USP54: variants seen among roughly 807,000 people sequenced by gnomAD.
The protein encoded by USP54 is ubiquitin specific peptidase 54.
USP54 carries 87 observed loss-of-function variants against 170.5 expected under a neutral mutation model. The ratio of observed to expected loss-of-function variants is 0.51; its 90% confidence interval spans 0.43 to 0.61. USP54 has a LOEUF of 0.61. USP54 is among the 20% of genes least tolerant of loss of function. The pLI, the probability that USP54 is intolerant of heterozygous loss-of-function variation, is 0.00. For missense variants in USP54, 1,786 were observed against 2,047.8 expected, an observed-to-expected ratio of 0.87 and a Z score of 2.47; for synonymous variants, 655 against 742.8, an observed-to-expected ratio of 0.88 and a Z score of 1.92.
chr10:73,584,635 T>A (rs571480999), intron 1 of USP54, among the ~76,000 whole-genome samples: 1 of 152,248 alleles, frequency 6.6e-6, no homozygotes, highest in East Asian at 1.9e-4. Context: ...AAATTATGGA[T>A]TTTTTTCCTT....
At chr10:73,574,641 G>C (rs2075817843) in intron 3 of USP54, among the ~76,000 whole-genome samples, 1 of 151,934 alleles carries the variant, frequency 6.6e-6, no homozygotes. Flanking sequence ...GCCGGGTGTG[G>C]TGATGCACAC....
At chr10:73,543,359 T>G (rs2067035159) in intron 5 of USP54, among the ~76,000 whole-genome samples, 1 of 151,926 alleles carries the variant, frequency 6.6e-6, no homozygotes. Flanking sequence ...ACATCTGTGT[T>G]TTTTTTGTTT....
intron 1 of USP54, among the ~76,000 whole-genome samples, chr10:73,578,904 AG>A (rs1214202734): frequency 6.6e-6 from 1 of 152,030 alleles, no homozygotes; most frequent in Non-Finnish European, 1.5e-5. Context: ...AGGAGAAGAC[AG>A]GAGAAAATTT....
At chr10:73,517,954 C>T (rs369616373) in intron 19 of USP54, among the ~76,000 whole-genome samples, 12 of 152,310 alleles carry the variant, frequency 7.9e-5, no homozygotes, top group African/African-American at 2.4e-4. Context: ...AAATAGGTAA[C>T]GTTAATCCTC....
In USP54 at chr10:73,611,135, CTGATA is replaced by C. The variant is rs953779243; in HGVS notation, c.-18+14427_-18+14431del. ...AATATACAAATATTCATATATGTGC[CTGATA>C]TAAGCCATAAAAATAAAATAATTCA... On this transcript the variant is annotated intron_variant, in intron 1 of 22. Coordinates refer to the USP54 transcript ENST00000339859. 1.6e-4 allele frequency among the ~76,000 whole-genome samples: 25 copies of C among 152,072 alleles called. No individual in the cohort carries two copies. In the East Asian group the frequency reaches 4.4e-3, roughly 27 times the overall value.
chr10:73,508,630 A>AAGT (rs1050945522), intron 20 of USP54, among the ~76,000 whole-genome samples: 63 of 152,182 alleles, frequency 4.1e-4, no homozygotes, highest in African/African-American at 1.5e-3. Flanking sequence ...CTCTAGCTCT[A>AAGT]AGTACTAAGT....
intron 1 of USP54, among the ~76,000 whole-genome samples, chr10:73,609,085 G>A (rs770677752): frequency 7.9e-5 from 12 of 152,182 alleles, no homozygotes; most frequent in Non-Finnish European, 1.3e-4. Flanking sequence ...CAGGAAAGGT[G>A]AAAACCCAAT....
intron 7 of USP54, 152 bp from the exon 8 acceptor site, chr10:73,541,890 G>A: frequency 1.5e-6 from 1 of 674,298 alleles, no homozygotes; most frequent in South Asian, 1.8e-5. Context: ...CATAAACACA[G>A]TAAGTACCTC....
intron 23 of USP54, among the ~76,000 whole-genome samples, chr10:73,500,226 A>G (rs1235060826): frequency 6.6e-6 from 1 of 152,166 alleles, no homozygotes; most frequent in African/African-American, 2.4e-5. Context: ...GGGTCTTTCC[A>G]ATTCTCCCAC....
intron 4 of USP54, among the ~76,000 whole-genome samples, chr10:73,552,627 C>T (rs929919889): frequency 2.0e-5 from 3 of 151,932 alleles, no homozygotes; most frequent in South Asian, 2.1e-4. Context: ...CCCATCTCTA[C>T]TAAAATTACA....
chr10:73,558,940 A>G (rs903189764), intron 4 of USP54, among the ~76,000 whole-genome samples: 1 of 152,118 alleles, frequency 6.6e-6, no homozygotes, highest in Non-Finnish European at 1.5e-5. Context: ...AATTTTTTTG[A>G]TATTTCTAGG....
rs547055622 is a variant in USP54, at chr10:73,534,667, A to G, written c.1248T>C (p.Ser416=). The G allele has an allele frequency of 5.1e-5, 83 of 1,614,192 alleles. No individual in the cohort carries two copies. The East Asian group carries it at 1.7e-3, about 34-fold the overall frequency. ...HHESVVSHFS[S]DSQGTVIYNV... is the part of the protein sequence containing the mutation. ...TATAGATGACTGTCCCCTGAGAATC[A>G]GAAGAGAAGTGACTGACCACAGACT... The change falls in exon 12 of 24, where the codon TCT becomes TCC. Residue 416 remains serine, a synonymous_variant. Transcript: ENST00000687698.
At chr10:73,503,714 T>C (rs1239691142) in intron 22 of USP54, among the ~76,000 whole-genome samples, 1 of 152,198 alleles carries the variant, frequency 6.6e-6, no homozygotes, top group African/African-American at 2.4e-5. Context: ...TTACTATAAA[T>C]TCGGCTGGGT....
At chr10:73,501,058 C>A (rs1233984653) in intron 22 of USP54, among the ~76,000 whole-genome samples, 1 of 152,166 alleles carries the variant, frequency 6.6e-6, no homozygotes, top group South Asian at 2.1e-4. Flanking sequence ...CTTAACCAGT[C>A]TTCCTCATAT....
upstream of USP54, among the ~76,000 whole-genome samples, chr10:73,596,119 A>C (rs1023769280): frequency 6.5e-4 from 98 of 150,550 alleles, 1 homozygote; most frequent in Middle Eastern, 3.7e-3. Flanking sequence ...CTCAAAAAAA[A>C]AAAACAAAAC....
Position 73,497,565 on chromosome 10 carries a change from T to C in USP54, c.*1064A>G, listed in dbSNP as rs1407383628. The C allele has an allele frequency of 6.6e-6, 1 of 152,252 alleles. No individual in the cohort carries two copies. Among genetic ancestry groups the C allele is most frequent in the Non-Finnish European group, 1.5e-5 (1 of 68,048 alleles). The allele number at this position is 152,252 out of a possible 1,614,324, so 9.4% of individuals were successfully genotyped here. On this transcript the variant is annotated 3_prime_UTR_variant, in exon 24 of 24. Coordinates refer to ENST00000687698, the MANE Select transcript of USP54 (RefSeq NM_001391956.1). ...AAATAGAACTGTCTTATAGATTTATTAATGAAAAATACTTTACAAAAACAG... is the reference window on the plus strand; with the variant it reads ...AAATAGAACTGTCTTATAGATTTATCAATGAAAAATACTTTACAAAAACAG...
intron 17 of USP54, among the ~76,000 whole-genome samples, chr10:73,522,544 G>C (rs1471708699): frequency 3.3e-5 from 5 of 152,172 alleles, no homozygotes; most frequent in African/African-American, 1.2e-4. Flanking sequence ...AAAAAGGAGA[G>C]AAATGACAAG....
At chr10:73,550,154 T>C (rs1480585031) in intron 4 of USP54, among the ~76,000 whole-genome samples, 1 of 152,156 alleles carries the variant, frequency 6.6e-6, no homozygotes, top group Non-Finnish European at 1.5e-5. Flanking sequence ...GAATCCCTGA[T>C]CTCAGATGAT....
At chr10:73,523,338 T>A (rs1410921128) in intron 17 of USP54, among the ~76,000 whole-genome samples, 1 of 152,188 alleles carries the variant, frequency 6.6e-6, no homozygotes. Flanking sequence ...ATGGGAAACA[T>A]TATTCATGAA....
Sources: gnomAD v4.1 joint callset for allele counts (sites outside exome capture counted in the v4.1 genomes callset) on GRCh38, gnomAD v4.1.1 for gene constraint, MANE v1.5 for transcripts, NCBI Gene and HGNC (gene_info 2026-07-23, HGNC 2026-07-21) for gene names.